The following DNAJC6 variants were observed in gnomAD, a reference collection of about 807,000 sequenced individuals.
The protein encoded by DNAJC6 is DnaJ heat shock protein family (Hsp40) member C6, also known as auxilin.
DNAJC6 carries 34 observed loss-of-function variants against 110.0 expected under a neutral mutation model. That is an observed-to-expected ratio of 0.31 (90% CI 0.24 to 0.41). The LOEUF (loss-of-function observed/expected upper bound fraction) is 0.41, where lower values mean the gene tolerates loss of function less well. Ranked by LOEUF, DNAJC6 falls within the 10% of genes least tolerant of loss-of-function variation. The pLI is 1.00. For synonymous variants in DNAJC6, 406 were observed against 437.2 expected (o/e 0.93, Z 0.89); for missense variants, 1,031 against 1,207.8 (o/e 0.85, Z 2.17).
chr1:65,413,325 A>T lies in DNAJC6; in HGVS notation c.*300A>T. The T allele has an allele frequency of 1.4e-5, 4 of 286,076 alleles. No homozygotes were observed. The highest frequency in any genetic ancestry group is 4.7e-5 in the South Asian group (1 of 21,254). 17.7% of individuals were successfully genotyped at this position (286,076 alleles called of 1,614,324 possible). On this transcript the variant is annotated 3_prime_UTR_variant, in exon 19 of 19. Transcript: ENST00000371069. Reference sequence around the variant, plus strand: ...CAGCATTCTACCTGGGGAAATGGAAAACAGAGGCCACCACCCATGAAGGCA... The same window carrying T: ...CAGCATTCTACCTGGGGAAATGGAATACAGAGGCCACCACCCATGAAGGCA...
intron 1 of DNAJC6, among the ~76,000 whole-genome samples, chr1:65,347,689 TGTC>T (rs1304422345): frequency 3.9e-5 from 6 of 152,076 alleles, no homozygotes; most frequent in African/African-American, 1.4e-4. Flanking sequence ...TTTTCCCCGT[TGTC>T]TCCCCTCCCC....
chr1:65,315,685 C>T (rs1570268079), intron 1 of DNAJC6, among the ~76,000 whole-genome samples: 1 of 152,112 alleles, frequency 6.6e-6, no homozygotes, highest in South Asian at 2.1e-4. Flanking sequence ...ACATTTAACC[C>T]TCATAAGAAT....
intron 8 of DNAJC6, 94 bp from the exon 9 acceptor site, chr1:65,388,242 C>A: frequency 1.9e-6 from 2 of 1,035,202 alleles, no homozygotes; most frequent in Non-Finnish European, 3.0e-6. Context: ...GATATTGAAA[C>A]AGTTGAAGGT....
chr1:65,364,855 G>C (rs1422478721), intron 2 of DNAJC6, 70 bp downstream of exon 2: 1 of 1,565,930 alleles, frequency 6.4e-7, no homozygotes, highest in African/African-American at 1.4e-5. Context: ...CCTGCTGACT[G>C]CTTGTCTGGC....
At chr1:65,410,006 A>G (rs1206802812) in intron 17 of DNAJC6, among the ~76,000 whole-genome samples, 2 of 152,164 alleles carry the variant, frequency 1.3e-5, no homozygotes, top group African/African-American at 2.4e-5. Context: ...ATTAGCTGGG[A>G]AACAGAGGGT....
intron 1 of DNAJC6, among the ~76,000 whole-genome samples, chr1:65,339,888 T>C (rs148830657): frequency 6.6e-5 from 10 of 152,302 alleles, no homozygotes; most frequent in African/African-American, 2.4e-4. Context: ...TCCACCAATG[T>C]CACCATTAGT....
chr1:65,280,732 T>G (rs375382768), intron 1 of DNAJC6, among the ~76,000 whole-genome samples: 14 of 152,348 alleles, frequency 9.2e-5, no homozygotes, highest in African/African-American at 3.4e-4. Flanking sequence ...GTCCAGTCAC[T>G]GACTCACTTT....
chr1:65,311,297 G>A (rs1358248685), intron 1 of DNAJC6, among the ~76,000 whole-genome samples: 2 of 145,158 alleles, frequency 1.4e-5, no homozygotes, highest in Non-Finnish European at 3.0e-5. Context: ...CGAACTCGGC[G>A]GACTGCAAAC....
At chr1:65,386,204 G>A (rs1217993155) in intron 7 of DNAJC6, among the ~76,000 whole-genome samples, 2 of 152,182 alleles carry the variant, frequency 1.3e-5, no homozygotes, top group African/African-American at 4.8e-5. Flanking sequence ...GCCTTGATGG[G>A]ATTAGGTGAG....
chr1:65,378,603 A>AAATCCTAT (rs1645789527), intron 4 of DNAJC6, among the ~76,000 whole-genome samples: 3 of 152,240 alleles, frequency 2.0e-5, no homozygotes, highest in Admixed American at 2.0e-4. Flanking sequence ...ATTAGTAAGT[A>AAATCCTAT]TGTAATCAAC....
intron 1 of DNAJC6, among the ~76,000 whole-genome samples, chr1:65,328,481 C>T (rs1359209615): frequency 6.6e-6 from 1 of 152,166 alleles, no homozygotes; most frequent in Non-Finnish European, 1.5e-5. Flanking sequence ...GACATTGATT[C>T]GTTCCACCTC....
intron 1 of DNAJC6, among the ~76,000 whole-genome samples, chr1:65,351,897 T>G (rs1645493298): frequency 6.6e-6 from 1 of 152,164 alleles, no homozygotes; most frequent in South Asian, 2.1e-4. Flanking sequence ...CCCAAGTAGC[T>G]GGGATTACAG....
At chr1:65,376,194 C>T (rs1464494879) in intron 4 of DNAJC6, among the ~76,000 whole-genome samples, 13 of 151,962 alleles carry the variant, frequency 8.6e-5, no homozygotes, top group Admixed American at 7.9e-4. Flanking sequence ...TCATAGTAGC[C>T]GTCTCTTATG....
intron 1 of DNAJC6, among the ~76,000 whole-genome samples, chr1:65,330,203 G>A (rs77700926): frequency 3.9e-5 from 6 of 152,148 alleles, no homozygotes; most frequent in Non-Finnish European, 8.8e-5. Flanking sequence ...CAGCTGGCCT[G>A]TGTGCCTCCT....
intron 15 of DNAJC6, among the ~76,000 whole-genome samples, chr1:65,402,127 A>AT (rs1646035831): frequency 6.6e-6 from 1 of 152,246 alleles, no homozygotes; most frequent in African/African-American, 2.4e-5. Flanking sequence ...TGTAGCATGA[A>AT]TAAAGTTAGA....
intron 1 of DNAJC6, among the ~76,000 whole-genome samples, chr1:65,281,878 G>A (rs537841798): frequency 1.2e-4 from 19 of 152,130 alleles, no homozygotes; most frequent in South Asian, 1.0e-3. Flanking sequence ...AAAGTTCTGG[G>A]ACCACGGGCG....
chr1:65,313,409 C>T (rs1230987377), intron 1 of DNAJC6, among the ~76,000 whole-genome samples: 4 of 152,140 alleles, frequency 2.6e-5, no homozygotes. Flanking sequence ...GTTCTTACCA[C>T]AGAGCTTTAG....
At chr1:65,278,687 A>G (rs1043131875) in intron 1 of DNAJC6, among the ~76,000 whole-genome samples, 2 of 152,246 alleles carry the variant, frequency 1.3e-5, no homozygotes, top group Non-Finnish European at 2.9e-5. Context: ...CCAAAGAGAA[A>G]GAAAGCTTGA....
chr1:65,385,662 G>C, intron 6 of DNAJC6, 50 bp from the exon 7 acceptor site: 3 of 1,388,326 alleles, frequency 2.2e-6, no homozygotes, highest in Non-Finnish European at 2.8e-6. Flanking sequence ...TTGATTGCTT[G>C]CTTCTCCTGA....
Sources: gnomAD v4.1 joint callset for allele counts (sites outside exome capture counted in the v4.1 genomes callset) on GRCh38, gnomAD v4.1.1 for gene constraint, MANE v1.5 for transcripts, NCBI Gene and HGNC (gene_info 2026-07-23, HGNC 2026-07-21) for gene names.